CFAP54: variants seen among roughly 807,000 people sequenced by gnomAD.
CFAP54 encodes cilia- and flagella-associated protein 54.
A neutral mutation model predicts 370.4 loss-of-function variants in CFAP54; 290 were observed. The observed-to-expected ratio is 0.78, with a 90% CI of 0.71 to 0.86. The LOEUF (loss-of-function observed/expected upper bound fraction) is 0.86, where lower values mean the gene tolerates loss of function less well. CFAP54 is among the 40% of genes least tolerant of loss of function. The pLI, the probability that CFAP54 is intolerant of heterozygous loss-of-function variation, is 0.00. For missense variants in CFAP54, 3,399 were observed against 3,528.7 expected, an observed-to-expected ratio of 0.96 and a Z score of 0.93; for synonymous variants, 1,206 against 1,236.5, an observed-to-expected ratio of 0.98 and a Z score of 0.52.
intron 17 of CFAP54, among the ~76,000 whole-genome samples, chr12:96,560,871 T>TA (rs1361945102): frequency 6.6e-6 from 1 of 152,228 alleles, no homozygotes; most frequent in African/African-American, 2.4e-5. Flanking sequence ...CTGAATTAAT[T>TA]ATTACAGTGG....
rs77004064 is a variant in CFAP54 at position 96,804,395 on chromosome 12, C to T, written c.8851-7341C>T. Among the ~76,000 whole-genome samples, 1,441 of 152,148 alleles carry T rather than the reference C, an allele frequency of 9.5e-3. 53 individuals carry two copies. The East Asian group carries it at 0.1, about 11-fold the overall frequency. ...AACTAAAAAATCCTAAAGTCTTCAACAAAAAACCTCTTAGTTTGATAGATG... is the reference window on the plus strand; with the variant it reads ...AACTAAAAAATCCTAAAGTCTTCAATAAAAAACCTCTTAGTTTGATAGATG... On this transcript the variant is annotated intron_variant, in intron 63 of 67. Transcript: ENST00000524981.
Position 96,693,785 on chromosome 12 carries a change from A to G in CFAP54, c.6328A>G (p.Asn2110Asp). The G allele has an allele frequency of 6.3e-7, 1 of 1,593,916 alleles. No individual in the cohort carries two copies. The highest frequency in any genetic ancestry group is 8.6e-7 in the Non-Finnish European group (1 of 1,163,204). Residue 2110 changes from asparagine (N) to aspartate (D), a missense_variant, in exon 45 of 68, where the codon AAT becomes GAT. This residue lies in a region of CFAP54 where 2,796 missense variants were observed against 2,869.7 expected (regional missense o/e 0.97). Transcript: ENST00000524981. ...VSGICQDITRNLEARILKIEV... is the reference protein window; with the variant it reads ...VSGICQDITRDLEARILKIEV... ...TGGAATTTGTCAAGACATAACAAGAAATCTAGAAGCAAGAATCCTCAAGGT... is the reference window on the plus strand; with the variant it reads ...TGGAATTTGTCAAGACATAACAAGAGATCTAGAAGCAAGAATCCTCAAGGT...
intron 58 of CFAP54, among the ~76,000 whole-genome samples, chr12:96,760,168 G>A (rs1263448838): frequency 1.3e-5 from 2 of 152,170 alleles, no homozygotes; most frequent in Non-Finnish European, 2.9e-5. Context: ...GGAAATGCTG[G>A]AGAAGGCTTC....
Position 96,630,119 on chromosome 12 carries a change from TA to T in CFAP54, c.4134del (p.Val1379Ter). The T allele has an allele frequency of 6.7e-7, 1 of 1,485,386 alleles. No individual in the cohort carries two copies. The highest frequency in any genetic ancestry group is 9.0e-7 in the Non-Finnish European group (1 of 1,110,336). 92.0% of individuals were successfully genotyped at this position (1,485,386 alleles called of 1,614,324 possible). On this transcript the variant is annotated frameshift_variant, in exon 31 of 68. Transcript: ENST00000524981. LOFTEE classifies it high-confidence loss of function. ...KRRNESLLGL[I>X]KVKYKDSALN... The stretch of plus-strand genomic sequence containing the variant: ...AGAAATGAGTCTCTACTTGGACTAA[TA>T]AAAGTGAAATATAAGGATAGTGCTT...
chr12:96,673,907 A>G (rs889690625), intron 39 of CFAP54, among the ~76,000 whole-genome samples: 2 of 152,194 alleles, frequency 1.3e-5, no homozygotes, highest in Non-Finnish European at 1.5e-5. Context: ...AATAATGCAT[A>G]TGTAATTTGG....
At chr12:96,817,610 C>T (rs1034369174) in intron 64 of CFAP54, among the ~76,000 whole-genome samples, 165 bp from the exon 65 acceptor site, 11 of 135,012 alleles carry the variant, frequency 8.1e-5, no homozygotes, top group African/African-American at 1.6e-4. Flanking sequence ...TTAGTAGAGA[C>T]GGGGTTTCAC....
chr12:96,683,505 C>T (rs374179832), intron 40 of CFAP54, among the ~76,000 whole-genome samples: 5 of 152,270 alleles, frequency 3.3e-5, no homozygotes, highest in Admixed American at 2.0e-4. Flanking sequence ...ATGTGGAAAA[C>T]GAAGTTCGAT....
intron 50 of CFAP54, among the ~76,000 whole-genome samples, chr12:96,725,240 G>T (rs1957817373): frequency 6.6e-6 from 1 of 150,890 alleles, no homozygotes; most frequent in Non-Finnish European, 1.5e-5. Context: ...GATGGGGATG[G>T]CATTGAATCT....
chr12:96,516,166 C>T (rs868813323), intron 5 of CFAP54, among the ~76,000 whole-genome samples: 3 of 151,968 alleles, frequency 2.0e-5, no homozygotes, highest in Non-Finnish European at 4.4e-5. Flanking sequence ...CCACCCGCCT[C>T]GGCCTCCCAA....
At position 96,581,105 on chromosome 12, in the gene CFAP54, G is replaced by T; in HGVS notation, c.3075G>T (p.Gln1025His). ...STITARMFLT[Q>H]VAYQVGNYEL... ...TTACTGCTCGGATGTTCCTGACACA[G>T]GTAGAAAAGATTTCTGCTAATTTTT... Residue 1025 changes from glutamine (Q) to histidine (H), a missense_variant and splice_region_variant, in exon 22 of 68, where the codon CAG (glutamine) becomes CAT (histidine). Physicochemically the swap from Gln to His is conservative, Grantham distance 24 (BLOSUM62 0). Around this residue, in one of 3 missense-constraint regions of CFAP54, gnomAD observed 2,796 missense variants for 2,869.7 expected, o/e 0.97. Coordinates refer to ENST00000524981, the MANE Select transcript of CFAP54 (RefSeq NM_001306084.2). 6.9e-7 allele frequency: 1 copy of T among 1,440,394 alleles called. No individual in the cohort carries two copies. The highest frequency in any genetic ancestry group is 9.1e-7 in the Non-Finnish European group (1 of 1,097,468). The allele number at this position is 1,440,394 out of a possible 1,614,324, so 89.2% of individuals were successfully genotyped here. A position where few individuals can be genotyped will look rare whatever the true frequency, so the allele number is the denominator to read the frequency against.
intron 66 of CFAP54, among the ~76,000 whole-genome samples, 190 bp from the exon 67 acceptor site, chr12:96,860,629 T>C (rs138485682): frequency 2.6e-4 from 40 of 152,344 alleles, no homozygotes; most frequent in African/African-American, 8.4e-4. Context: ...GTTTGCTGTT[T>C]AATAGGATGT....
At chr12:96,544,488 G>A (rs777278658) in intron 14 of CFAP54, among the ~76,000 whole-genome samples, 38 of 55,832 alleles carry the variant, frequency 6.8e-4, no homozygotes, top group Non-Finnish European at 1.6e-3. Context: ...TTCTCTCCAA[G>A]GATGGCCATA....
At chr12:96,559,811 A>G (rs1354285387) in intron 17 of CFAP54, among the ~76,000 whole-genome samples, 1 of 152,122 alleles carries the variant, frequency 6.6e-6, no homozygotes, top group Non-Finnish European at 1.5e-5. Context: ...ACTCTGAAGA[A>G]AGGTAACACT....
At chr12:96,860,159 T>C (rs886127357) in intron 66 of CFAP54, among the ~76,000 whole-genome samples, 24 of 97,458 alleles carry the variant, frequency 2.5e-4, no homozygotes, top group African/African-American at 8.9e-4. Flanking sequence ...TTTTTTTTTT[T>C]AACCAGGATT....
chr12:96,521,132 A>G (rs1260549780), intron 6 of CFAP54, among the ~76,000 whole-genome samples: 2 of 152,184 alleles, frequency 1.3e-5, no homozygotes, highest in Admixed American at 1.3e-4. Context: ...GGAAAATGTA[A>G]CCCTTCATAT....
At chr12:96,781,749 T>G (rs1343908259) in intron 60 of CFAP54, among the ~76,000 whole-genome samples, 4 of 152,064 alleles carry the variant, frequency 2.6e-5, no homozygotes, top group African/African-American at 4.8e-5. Flanking sequence ...ACTATAGACA[T>G]TTTGAAGTGA....
intron 64 of CFAP54, among the ~76,000 whole-genome samples, chr12:96,815,836 T>G (rs1196494153): frequency 1.3e-5 from 2 of 152,190 alleles, no homozygotes; most frequent in Admixed American, 6.5e-5. Flanking sequence ...CCCCATTGAT[T>G]GTTTTTGTCA....
rs191344839 is a variant in CFAP54, at chr12:96,754,004, C to T, written c.7840+106C>T. 1.1e-3 allele frequency: 1,275 copies of T among 1,144,026 alleles called. 2 individuals carry two copies. Among genetic ancestry groups the T allele is most frequent in the Admixed American group, 2.0e-3 (90 of 45,148 alleles). 70.9% of individuals were successfully genotyped at this position (1,144,026 alleles called of 1,614,324 possible). On this transcript the variant is annotated intron_variant, in intron 56 of 67. Coordinates refer to ENST00000524981, the MANE Select transcript of CFAP54 (RefSeq NM_001306084.2). ...GGTCCCTGACTATAAAAATTACAAA[C>T]ATACAAAGGGCTTAGAGATGATTAA... is the stretch of plus-strand genomic sequence containing the variant.
chr12:96,700,127 T>C, intron 46 of CFAP54, 34 bp downstream of exon 46: 1 of 1,581,274 alleles, frequency 6.3e-7, no homozygotes, highest in East Asian at 2.2e-5. Flanking sequence ...GCAATTTCTT[T>C]ACCTATGAGG....
Sources: gnomAD v4.1 joint callset for allele counts (sites outside exome capture counted in the v4.1 genomes callset) on GRCh38, gnomAD v4.1.1 for gene constraint, gnomAD v4.1.1 regional missense constraint, MANE v1.5 for transcripts, NCBI Gene and HGNC (gene_info 2026-07-23, HGNC 2026-07-21) for gene names.